The following STK39 variants were observed in gnomAD, a reference collection of about 807,000 sequenced individuals.
STK39 encodes serine/threonine kinase 39.
In STK39, 20 loss-of-function variants were observed where a neutral mutation model predicts 77.8. That is an observed-to-expected ratio of 0.26 (90% confidence interval 0.18 to 0.37). STK39 has a LOEUF of 0.37. Ranked by LOEUF, STK39 falls within the 10% of genes least tolerant of loss-of-function variation. The pLI is 1.00. For missense variants in STK39, 479 were observed against 656.5 expected (o/e 0.73, Z 2.95); for synonymous variants, 246 against 234.1 (o/e 1.05, Z -0.47).
chr2:168,234,285 C>T (rs1690539987), intron 1 of STK39, among the ~76,000 whole-genome samples: 2 of 152,234 alleles, frequency 1.3e-5, no homozygotes. Flanking sequence ...GCCTGTAAGG[C>T]AGTCGTAGCC....
chr2:168,038,352 C>T (rs1405289559), intron 14 of STK39, among the ~76,000 whole-genome samples: 1 of 151,308 alleles, frequency 6.6e-6, no homozygotes, highest in East Asian at 1.9e-4. Flanking sequence ...AAGTGTGTAT[C>T]TGGAAGGAAA....
At chr2:168,029,493 G>A (rs1684780886) in intron 14 of STK39, among the ~76,000 whole-genome samples, 1 of 152,126 alleles carries the variant, frequency 6.6e-6, no homozygotes, top group East Asian at 1.9e-4. Context: ...TTTTCTCCCA[G>A]GTGCTGAAGA....
chr2:168,014,233 C>T (rs1355675533), intron 15 of STK39, among the ~76,000 whole-genome samples: 1 of 152,126 alleles, frequency 6.6e-6, no homozygotes, highest in Non-Finnish European at 1.5e-5. Context: ...ATCTGTAATT[C>T]CAGCACTTTA....
intron 1 of STK39, among the ~76,000 whole-genome samples, chr2:168,218,901 T>C (rs1690092415): frequency 6.6e-6 from 1 of 151,780 alleles, no homozygotes; most frequent in African/African-American, 2.4e-5. Flanking sequence ...TAAATCTTAC[T>C]ACATAAAACT....
At chr2:168,010,096 T>C (rs952599172) in intron 16 of STK39, among the ~76,000 whole-genome samples, 1 of 152,252 alleles carries the variant, frequency 6.6e-6, no homozygotes, top group Admixed American at 6.5e-5. Flanking sequence ...CCTAGCCACC[T>C]GCCAGGATCA....
chr2:168,167,479 G>T, intron 2 of STK39, 72 bp from the exon 3 acceptor site: 1 of 1,340,810 alleles, frequency 7.5e-7, no homozygotes, highest in Non-Finnish European at 1.1e-6. Flanking sequence ...GTGAATCACA[G>T]TTGAGTACCT....
At chr2:168,247,196 TGTGCCGGCCC>T in intron 1 of STK39, 22 bp downstream of exon 1, 1 of 1,147,436 alleles carries the variant, frequency 8.7e-7, no homozygotes, top group Non-Finnish European at 1.1e-6. Flanking sequence ...GCGCCCGGCC[TGTGCCGGCCC>T]CGCCGCGCCC....
At chr2:168,142,523 C>T (rs1426947146) in intron 5 of STK39, among the ~76,000 whole-genome samples, 1 of 152,152 alleles carries the variant, frequency 6.6e-6, no homozygotes, top group Non-Finnish European at 1.5e-5. Flanking sequence ...TCCTAAAAGA[C>T]ATAATCCAGG....
At chr2:167,959,280 A>G (rs1229816669) in intron 17 of STK39, among the ~76,000 whole-genome samples, 1 of 150,808 alleles carries the variant, frequency 6.6e-6, no homozygotes, top group Non-Finnish European at 1.5e-5. Flanking sequence ...CACCATGTCC[A>G]GGTAATTTTT....
intron 1 of STK39, among the ~76,000 whole-genome samples, chr2:168,204,316 C>A (rs996024123): frequency 6.6e-6 from 1 of 152,198 alleles, no homozygotes; most frequent in African/African-American, 2.4e-5. Flanking sequence ...CGGGTTTCCT[C>A]AGCCCACCAA....
chr2:168,202,077 C>T (rs1689625033), intron 1 of STK39, among the ~76,000 whole-genome samples: 1 of 152,170 alleles, frequency 6.6e-6, no homozygotes. Context: ...CACCTGGTTG[C>T]CATAAGGCCA....
At chr2:168,044,551 C>A (rs1012447679) in intron 14 of STK39, among the ~76,000 whole-genome samples, 16 of 152,082 alleles carry the variant, frequency 1.1e-4, no homozygotes, top group African/African-American at 3.9e-4. Context: ...AAAAGATCAG[C>A]CTCTAATAAT....
chr2:168,161,529 G>T (rs1574515134), intron 5 of STK39, among the ~76,000 whole-genome samples: 1 of 152,068 alleles, frequency 6.6e-6, no homozygotes, highest in South Asian at 2.1e-4. Context: ...GTGAAAGGTA[G>T]AAAACATAAT....
Position 168,124,767 on chromosome 2 carries a change from T to C in STK39, c.1089+4774A>G, listed in dbSNP as rs115631827. ...GTGTGAGTGTGGTGCCTCAAGTATG[T>C]TATCACTAACATAAAACTTAGACAT... On this transcript the variant is annotated intron_variant, in intron 10 of 17. Transcript: ENST00000355999. 5.8e-3 allele frequency among the ~76,000 whole-genome samples: 882 copies of C among 152,256 alleles called. 9 individuals are homozygous for C. Among genetic ancestry groups the C allele is most frequent in the African/African-American group, 0.02 (839 of 41,534 alleles).
At chr2:168,001,475 A>G (rs1683999792) in intron 16 of STK39, among the ~76,000 whole-genome samples, 1 of 151,684 alleles carries the variant, frequency 6.6e-6, no homozygotes, top group East Asian at 1.9e-4. Flanking sequence ...GTGCAAGATT[A>G]AGAACTAGGC....
intron 16 of STK39, among the ~76,000 whole-genome samples, chr2:167,975,568 C>A (rs1331339805): frequency 6.6e-6 from 1 of 152,208 alleles, no homozygotes; most frequent in Non-Finnish European, 1.5e-5. Context: ...GTAATCCTAG[C>A]ACTTTGGGAG....
At chr2:168,155,105 T>G (rs991273192) in intron 5 of STK39, among the ~76,000 whole-genome samples, 29 of 152,166 alleles carry the variant, frequency 1.9e-4, no homozygotes, top group Non-Finnish European at 1.3e-4. Flanking sequence ...GACACTCTTC[T>G]GTGAAGCTCA....
intron 5 of STK39, among the ~76,000 whole-genome samples, chr2:168,144,876 G>C (rs1392507480): frequency 6.6e-6 from 1 of 151,864 alleles, no homozygotes; most frequent in Non-Finnish European, 1.5e-5. Flanking sequence ...AGCTACTCAG[G>C]AGGATGAAAT....
intron 17 of STK39, among the ~76,000 whole-genome samples, chr2:167,956,475 A>T (rs1279093313): frequency 6.6e-6 from 1 of 151,774 alleles, no homozygotes; most frequent in Non-Finnish European, 1.5e-5. Context: ...GAGGCAGGGG[A>T]ATCACTTGAA....
Sources: allele counts gnomAD v4.1 joint callset (sites outside exome capture counted in the v4.1 genomes callset), GRCh38; gene constraint gnomAD v4.1.1; transcripts MANE v1.5; gene names NCBI Gene and HGNC (gene_info 2026-07-23, HGNC 2026-07-21).